CRIM1: variants seen among roughly 807,000 people sequenced by gnomAD.
The protein encoded by CRIM1 is cysteine rich transmembrane BMP regulator 1.
CRIM1 carries 32 observed loss-of-function variants against 116.4 expected under a neutral mutation model. The ratio of observed to expected loss-of-function variants is 0.27; its 90% CI spans 0.21 to 0.37. The LOEUF is 0.37. Among genes scored for constraint, CRIM1 ranks in the 10% least tolerant of loss-of-function variants. The pLI, the probability that CRIM1 is intolerant of heterozygous loss-of-function variation, is 1.00. For missense variants in CRIM1, 1,331 were observed against 1,354.8 expected (o/e 0.98, Z 0.28); for synonymous variants, 590 against 509.2 (o/e 1.16, Z -2.13).
chr2:36,378,457 A>G, intron 1 of CRIM1: 1 of 469,022 alleles, frequency 2.1e-6, no homozygotes, highest in African/African-American at 2.0e-5. Flanking sequence ...TAGGGAAAGG[A>G]GTGCCACCAT....
intron 1 of CRIM1, among the ~76,000 whole-genome samples, chr2:36,392,512 G>C (rs150992645): frequency 2.0e-5 from 3 of 152,064 alleles, no homozygotes; most frequent in Admixed American, 6.5e-5. Flanking sequence ...TCAGAACCTT[G>C]ATTCTTGTGC....
At chr2:36,432,241 A>T (rs1159222410) in intron 2 of CRIM1, among the ~76,000 whole-genome samples, 1 of 152,218 alleles carries the variant, frequency 6.6e-6, no homozygotes, top group Non-Finnish European at 1.5e-5. Context: ...ATTAGGTAAA[A>T]TTAAACGTTT....
rs1393569859 is a variant in CRIM1 at position 36,426,684 on chromosome 2, A to G, written c.506-14574A>G. The stretch of plus-strand genomic sequence containing the variant: ...GTAGAAATTCACATTGAGCCAGTCC[A>G]TCAAGCTCCCAGTATCACTAAAGAA... On this transcript the variant is annotated intron_variant, in intron 2 of 16. Transcript: ENST00000280527. Among the ~76,000 whole-genome samples, 7 of 152,316 alleles carry G rather than the reference A, an allele frequency of 4.6e-5. No individual in the cohort carries two copies. The South Asian group carries it at 1.2e-3, about 27-fold the overall frequency.
intron 2 of CRIM1, among the ~76,000 whole-genome samples, chr2:36,416,736 G>T (rs994374550): frequency 4.6e-5 from 7 of 152,166 alleles, no homozygotes; most frequent in Non-Finnish European, 1.0e-4. Context: ...AGAAACCCTG[G>T]CACAGTTCCT....
intron 14 of CRIM1, among the ~76,000 whole-genome samples, chr2:36,543,877 C>T (rs187603491): frequency 9.2e-5 from 14 of 152,196 alleles, no homozygotes; most frequent in East Asian, 3.9e-4. Context: ...ATGAGGTCTA[C>T]CTACAGTCCA....
At chr2:36,448,825 A>G (rs1274713509) in intron 4 of CRIM1, among the ~76,000 whole-genome samples, 2 of 152,166 alleles carry the variant, frequency 1.3e-5, no homozygotes, top group Admixed American at 6.5e-5. Context: ...TAATGTCCAA[A>G]AACTTAAAAT....
intron 1 of CRIM1, among the ~76,000 whole-genome samples, chr2:36,382,508 CTCTCT>C (rs1182933207): frequency 6.6e-6 from 1 of 152,164 alleles, no homozygotes; most frequent in Admixed American, 6.5e-5. Flanking sequence ...ATGTCCTTTC[CTCTCT>C]TCTCACAAGA....
chr2:36,389,530 T>C (rs1403560858), intron 1 of CRIM1, among the ~76,000 whole-genome samples: 1 of 152,220 alleles, frequency 6.6e-6, no homozygotes, highest in Non-Finnish European at 1.5e-5. Context: ...CTTCTGCGTG[T>C]GTACTGTGAA....
intron 3 of CRIM1, 25 bp downstream of exon 3, chr2:36,441,525 G>A (rs1161599842): frequency 6.2e-7 from 1 of 1,601,380 alleles, no homozygotes; most frequent in Non-Finnish European, 8.5e-7. Flanking sequence ...TGTCTCAGCA[G>A]CCTTGTTCCT....
intron 8 of CRIM1, among the ~76,000 whole-genome samples, chr2:36,506,024 A>T (rs1342961412): frequency 6.6e-6 from 1 of 151,938 alleles, no homozygotes; most frequent in Non-Finnish European, 1.5e-5. Flanking sequence ...TTATTTTCCA[A>T]CTTGCTTATT....
intron 13 of CRIM1, among the ~76,000 whole-genome samples, chr2:36,529,952 T>C (rs1666002233): frequency 6.6e-6 from 1 of 152,230 alleles, no homozygotes; most frequent in Non-Finnish European, 1.5e-5. Flanking sequence ...CAATTAAGAT[T>C]GAGGCAGTAT....
In CRIM1 at chr2:36,546,763, ATT is replaced by A. The variant is rs775086985; in HGVS notation, c.2747-195_2747-194del. The stretch of plus-strand genomic sequence containing the variant: ...CCCAATTATTAAGATTCTCACTCTG[ATT>A]TTTTTTTTTTTTTTTTTTTTTTTTT... On this transcript the variant is annotated intron_variant, in intron 15 of 16. Transcript: ENST00000280527. 2.7e-3 allele frequency among the ~76,000 whole-genome samples: 278 copies of A among 101,844 alleles called. 5 individuals carry two copies. Among genetic ancestry groups the A allele is most frequent in the African/African-American group, 7.3e-3 (190 of 26,090 alleles). The allele number at this position is 101,844 out of a possible 152,430, so 66.8% of individuals were successfully genotyped here.
chr2:36,525,102 A>C (rs1665667339), intron 13 of CRIM1, among the ~76,000 whole-genome samples: 1 of 152,140 alleles, frequency 6.6e-6, no homozygotes, highest in South Asian at 2.1e-4. Context: ...CCATGTTGGG[A>C]AGACTTAACA....
intron 13 of CRIM1, among the ~76,000 whole-genome samples, chr2:36,528,438 C>G (rs1229447093): frequency 1.3e-5 from 2 of 152,200 alleles, no homozygotes; most frequent in Non-Finnish European, 2.9e-5. Context: ...CCACACTGTT[C>G]TTTCATACCT....
chr2:36,388,839 C>T (rs1467253230), intron 1 of CRIM1, among the ~76,000 whole-genome samples: 1 of 152,188 alleles, frequency 6.6e-6, no homozygotes, highest in Non-Finnish European at 1.5e-5. Flanking sequence ...ATGAAAAGTA[C>T]AGCAATGGGA....
rs78715436 is a variant in CRIM1, at chr2:36,548,402, G to C, written c.2935-123G>C. 4,219 of 629,264 alleles carry C rather than the reference G, an allele frequency of 6.7e-3. 25 individuals carry two copies. The highest frequency in any genetic ancestry group is 9.8e-3 in the Non-Finnish European group (3,637 of 372,470). The allele number at this position is 629,264 out of a possible 1,614,324, so 39.0% of individuals were successfully genotyped here. Reference sequence around the variant, plus strand: ...AACAAGATGTGATAATCTGCATACAGGCTATCAATCAATGAATTGTGAAAC... The same window carrying C: ...AACAAGATGTGATAATCTGCATACACGCTATCAATCAATGAATTGTGAAAC... On this transcript the variant is annotated intron_variant, in intron 16 of 16. Transcript: ENST00000280527.
At chr2:36,512,583 G>A (rs139819972) in intron 10 of CRIM1, among the ~76,000 whole-genome samples, 189 bp downstream of exon 10, 384 of 152,304 alleles carry the variant, frequency 2.5e-3, no homozygotes, top group Non-Finnish European at 4.8e-3. Flanking sequence ...GCTCAGAATA[G>A]AATGTAAAGT....
chr2:36,453,030 A>G (rs1676857880), intron 4 of CRIM1, among the ~76,000 whole-genome samples: 1 of 152,260 alleles, frequency 6.6e-6, no homozygotes, highest in African/African-American at 2.4e-5. Context: ...TGCATAGCTA[A>G]TAAGCAAGTC....
intron 14 of CRIM1, 89 bp from the exon 15 acceptor site, chr2:36,544,287 G>T: frequency 4.3e-6 from 5 of 1,174,456 alleles, no homozygotes; most frequent in Non-Finnish European, 5.5e-6. Context: ...ATGTGGTCTT[G>T]AATTGAGTGC....
Sources: allele counts gnomAD v4.1 joint callset (sites outside exome capture counted in the v4.1 genomes callset), GRCh38; gene constraint gnomAD v4.1.1; transcripts MANE v1.5; gene names NCBI Gene and HGNC (gene_info 2026-07-23, HGNC 2026-07-21).